Variants in ZSCAN5A observed in about 807,000 individuals in gnomAD.
ZSCAN5A encodes zinc finger and SCAN domain-containing protein 5A.
In ZSCAN5A, 12 loss-of-function variants were observed where a neutral mutation model predicts 23.7. That is an observed-to-expected ratio of 0.51 (90% CI 0.32 to 0.82). The LOEUF is 0.82. Among genes scored for constraint, ZSCAN5A ranks in the 40% least tolerant of loss-of-function variants. The pLI, the probability that ZSCAN5A is intolerant of heterozygous loss-of-function variation, is 0.03. For synonymous variants in ZSCAN5A, 257 were observed against 239.9 expected (o/e 1.07, Z -0.66); for missense variants, 597 against 617.9 (o/e 0.97, Z 0.36).
At chr19:56,304,583 C>T (rs984864350) in intron 2 of ZSCAN5A, among the ~76,000 whole-genome samples, 2 of 151,978 alleles carry the variant, frequency 1.3e-5, no homozygotes, top group African/African-American at 4.8e-5. Flanking sequence ...GGAGAACTGG[C>T]TGGAAGATGG....
chr19:56,348,863 G>A (rs565136251), intron 2 of ZSCAN5A, among the ~76,000 whole-genome samples: 45 of 152,252 alleles, frequency 3.0e-4, no homozygotes, highest in South Asian at 1.2e-3. Context: ...TGAAAGCTTC[G>A]AGGTATTAAC....
chr19:56,231,996 C>CTTTTTTTTTTTTTTTTTTTTTTTTTTT (rs59525392), intron 2 of ZSCAN5A, among the ~76,000 whole-genome samples: 2 of 124,972 alleles, frequency 1.6e-5, no homozygotes, highest in African/African-American at 3.0e-5. Flanking sequence ...TTTTTCTTTT[C>CTTTTTTTTTTTTTTTTTTTTTTTTTTT]TTTTTTTTTG....
chr19:56,301,664 G>C (rs1035072642), intron 2 of ZSCAN5A, among the ~76,000 whole-genome samples: 1 of 152,126 alleles, frequency 6.6e-6, no homozygotes, highest in Non-Finnish European at 1.5e-5. Flanking sequence ...TCAAGACGGA[G>C]TCACTCTGGT....
intron 2 of ZSCAN5A, among the ~76,000 whole-genome samples, chr19:56,230,309 C>T (rs976404957): frequency 1.3e-5 from 2 of 152,118 alleles, no homozygotes; most frequent in African/African-American, 2.4e-5. Flanking sequence ...TGGTCTTGAA[C>T]TCCTGACCTC....
chr19:56,345,629 A>C (rs541017608), intron 2 of ZSCAN5A, among the ~76,000 whole-genome samples: 57 of 152,350 alleles, frequency 3.7e-4, no homozygotes, highest in African/African-American at 1.3e-3. Flanking sequence ...AATTTATCAT[A>C]GAATGGTATA....
At chr19:56,251,139 G>C (rs910606106) in intron 2 of ZSCAN5A, among the ~76,000 whole-genome samples, 4 of 137,010 alleles carry the variant, frequency 2.9e-5, no homozygotes, top group Non-Finnish European at 6.2e-5. Context: ...AACAGAGCTA[G>C]ACTCCGTGTA....
At chr19:56,342,937 T>G in intron 2 of ZSCAN5A, 1 of 1,024,028 alleles carries the variant, frequency 9.8e-7, no homozygotes, top group South Asian at 1.3e-5. Flanking sequence ...CATATAGCAG[T>G]GCACTTTGGT....
intron 2 of ZSCAN5A, among the ~76,000 whole-genome samples, chr19:56,282,181 C>T (rs1204462563): frequency 6.6e-6 from 1 of 152,100 alleles, no homozygotes; most frequent in Non-Finnish European, 1.5e-5. Flanking sequence ...GGAGATGACA[C>T]TTGGTTATTA....
At chr19:56,322,400 C>T (rs915421929) in intron 2 of ZSCAN5A, 9 of 667,602 alleles carry the variant, frequency 1.3e-5, no homozygotes, top group East Asian at 2.6e-5. Flanking sequence ...CCTAGGCCTA[C>T]AAATTTGTCC....
chr19:56,231,996 C>CTTTT (rs59525392), intron 2 of ZSCAN5A, among the ~76,000 whole-genome samples: 9 of 124,976 alleles, frequency 7.2e-5, no homozygotes, highest in East Asian at 4.6e-4. Flanking sequence ...TTTTTCTTTT[C>CTTTT]TTTTTTTTTG....
At chr19:56,270,545 TG>T (rs1448343132) in intron 2 of ZSCAN5A, among the ~76,000 whole-genome samples, 1 of 152,226 alleles carries the variant, frequency 6.6e-6, no homozygotes, top group Non-Finnish European at 1.5e-5. Context: ...AGCCAGCTTA[TG>T]AGGGTCAATT....
chr19:56,307,567 G>A (rs1195561048), intron 2 of ZSCAN5A, among the ~76,000 whole-genome samples: 1 of 152,118 alleles, frequency 6.6e-6, no homozygotes, highest in Non-Finnish European at 1.5e-5. Flanking sequence ...GCTGTCTTAC[G>A]TTACTCTCTT....
At chr19:56,302,185 C>A in intron 2 of ZSCAN5A, 1 of 983,178 alleles carries the variant, frequency 1.0e-6, no homozygotes, top group East Asian at 3.3e-5. Flanking sequence ...AAGGAGGGTG[C>A]CTCAGAGGTG....
At position 56,272,491 on chromosome 19, in the gene ZSCAN5A, T is replaced by C. The variant is rs187552109; in HGVS notation, c.-128+40792A>G. 1.8e-4 allele frequency among the ~76,000 whole-genome samples: 27 copies of C among 152,292 alleles called. No individual in the cohort carries two copies. In the East Asian group the frequency reaches 5.2e-3, roughly 29 times the overall value. The stretch of plus-strand genomic sequence containing the variant: ...TCATGTCATGAAATATTTTCTTTTG[T>C]TTTTTCCCTCCAACCATTAAAAAAG... On this transcript the variant is annotated intron_variant, in intron 2 of 5. Coordinates refer to ENST00000683990, the MANE Select transcript of ZSCAN5A (RefSeq NM_001322064.3).
chr19:56,349,576 G>A (rs2041654612), intron 2 of ZSCAN5A, among the ~76,000 whole-genome samples: 1 of 151,482 alleles, frequency 6.6e-6, no homozygotes. Context: ...GCAGTGGTGG[G>A]CGCCTGTAGT....
At chr19:56,303,410 A>G (rs1392337073) in intron 2 of ZSCAN5A, among the ~76,000 whole-genome samples, 1 of 151,118 alleles carries the variant, frequency 6.6e-6, no homozygotes, top group Non-Finnish European at 1.5e-5. Context: ...CCTGGGAAGC[A>G]GAGGTTGCAG....
chr19:56,349,775 G>C (rs1020274902), intron 2 of ZSCAN5A, among the ~76,000 whole-genome samples: 1 of 149,768 alleles, frequency 6.7e-6, no homozygotes, highest in Non-Finnish European at 1.5e-5. Context: ...AAGTAACTGA[G>C]TGAGGGCTAC....
chr19:56,346,747 C>T (rs1387537486), intron 2 of ZSCAN5A, among the ~76,000 whole-genome samples: 3 of 151,498 alleles, frequency 2.0e-5, no homozygotes, highest in Non-Finnish European at 2.9e-5. Context: ...CTCGCTCTGT[C>T]GCCCAGGCTG....
intron 2 of ZSCAN5A, among the ~76,000 whole-genome samples, chr19:56,302,345 TCTTC>T (rs774778802): frequency 4.7e-5 from 6 of 127,360 alleles, no homozygotes; most frequent in Non-Finnish European, 6.5e-5. Flanking sequence ...TTCCCTTTCC[TCTTC>T]CTTTTTTCTT....
Sources: allele counts gnomAD v4.1 joint callset (sites outside exome capture counted in the v4.1 genomes callset), GRCh38; gene constraint gnomAD v4.1.1; transcripts MANE v1.5; gene names NCBI Gene and HGNC (gene_info 2026-07-23, HGNC 2026-07-21).